PLXNA4: variants seen among roughly 807,000 people sequenced by gnomAD.
PLXNA4 encodes the protein plexin A4.
PLXNA4 carries 44 observed loss-of-function variants against 191.8 expected under a neutral mutation model. That is an observed-to-expected ratio of 0.23 (90% confidence interval 0.18 to 0.29). The LOEUF (loss-of-function observed/expected upper bound fraction) is 0.29, where lower values mean the gene tolerates loss of function less well. Among genes scored for constraint, PLXNA4 ranks in the 10% least tolerant of loss-of-function variants. PLXNA4 has a pLI of 1.00. For synonymous variants in PLXNA4, 1,082 were observed against 1,009.5 expected (o/e 1.07, Z -1.36); for missense variants, 1,800 against 2,488.8 (o/e 0.72, Z 5.89).
chr7:132,378,653 T>C (rs977963350), intron 3 of PLXNA4, among the ~76,000 whole-genome samples: 3 of 152,154 alleles, frequency 2.0e-5, no homozygotes, highest in Non-Finnish European at 4.4e-5. Flanking sequence ...CTGTGATCTC[T>C]CCTGCGCAAA....
chr7:132,452,573 A>G (rs895453138), intron 3 of PLXNA4, among the ~76,000 whole-genome samples: 1 of 152,170 alleles, frequency 6.6e-6, no homozygotes, highest in African/African-American at 2.4e-5. Flanking sequence ...ACTGCAAGAT[A>G]TGGTCTGAAA....
intron 3 of PLXNA4, among the ~76,000 whole-genome samples, chr7:132,420,420 G>A (rs1358037723): frequency 6.6e-6 from 1 of 152,054 alleles, no homozygotes; most frequent in Non-Finnish European, 1.5e-5. Context: ...TCTATGGCTG[G>A]GCTCATCCTC....
upstream of PLXNA4, chr7:132,577,322 C>T: frequency 6.6e-6 from 1 of 152,292 alleles, no homozygotes; most frequent in Non-Finnish European, 1.5e-5. Flanking sequence ...CATTGAAGCC[C>T]GGCCAAGCGC....
chr7:132,629,522 AT>A (rs995652518), intron 2 of PLXNA4, among the ~76,000 whole-genome samples: 1 of 152,140 alleles, frequency 6.6e-6, no homozygotes, highest in East Asian at 1.9e-4. Context: ...TGACCTGCAT[AT>A]TTTTTAACTC....
intron 3 of PLXNA4, among the ~76,000 whole-genome samples, chr7:132,453,548 G>GTT (rs35197607): frequency 4.1e-5 from 6 of 148,128 alleles, no homozygotes; most frequent in African/African-American, 1.5e-4. Context: ...CACAGTGAGG[G>GTT]TTTTTTTTTT....
chr7:132,203,368 C>T lies in PLXNA4; in HGVS notation c.2350G>A (p.Val784Met), dbSNP rs374819408. ...TCAATGTTGAAGTGCCCATTCCACA[C>T]GACTGTCAACTCCACGGGCAGGTTG... ...INNLPVELTVVWNGHFNIDNP... is the reference protein window; with the variant it reads ...INNLPVELTVMWNGHFNIDNP... The change falls in exon 11 of 32, where the codon GTG (valine) becomes ATG (methionine). Residue 784 changes from valine to methionine, a missense_variant. Coordinates refer to ENST00000321063, the MANE Select transcript of PLXNA4 (RefSeq NM_020911.2). 5.7e-5 allele frequency: 92 copies of T among 1,614,042 alleles called. No individual in the cohort carries two copies. Among genetic ancestry groups the T allele is most frequent in the African/African-American group, 1.2e-4 (9 of 74,926 alleles).
chr7:132,285,940 C>T (rs115167525), intron 4 of PLXNA4, among the ~76,000 whole-genome samples: 4 of 151,842 alleles, frequency 2.6e-5, no homozygotes, highest in Admixed American at 2.0e-4. Flanking sequence ...CCCCCACCCA[C>T]AAATGAGGAT....
intron 3 of PLXNA4, among the ~76,000 whole-genome samples, chr7:132,390,376 A>G (rs913335827): frequency 6.6e-6 from 1 of 151,968 alleles, no homozygotes; most frequent in Non-Finnish European, 1.5e-5. Context: ...ATGAGAACAC[A>G]TGGACACAGG....
At chr7:132,278,494 C>T (rs189145004) in intron 4 of PLXNA4, among the ~76,000 whole-genome samples, 114 of 152,288 alleles carry the variant, frequency 7.5e-4, no homozygotes, top group African/African-American at 1.8e-3. Context: ...GTCAACTAAG[C>T]GCCTACCACC....
At chr7:132,369,611 C>T (rs952848226) in intron 3 of PLXNA4, among the ~76,000 whole-genome samples, 1 of 152,086 alleles carries the variant, frequency 6.6e-6, no homozygotes, top group Non-Finnish European at 1.5e-5. Flanking sequence ...AGAAGGACAT[C>T]CCTCAGTAGC....
chr7:132,387,548 G>A (rs777654715), intron 3 of PLXNA4, among the ~76,000 whole-genome samples: 13 of 152,242 alleles, frequency 8.5e-5, no homozygotes, highest in Non-Finnish European at 1.8e-4. Context: ...CCCATCTGTC[G>A]CCAGGTAACT....
chr7:132,194,628 A>G (rs531572054), intron 13 of PLXNA4, among the ~76,000 whole-genome samples: 1 of 152,274 alleles, frequency 6.6e-6, no homozygotes, highest in East Asian at 1.9e-4. Context: ...TCTGCTCCCG[A>G]TGATTGGGTT....
chr7:132,517,988 T>A (rs1465866582), intron 1 of PLXNA4, among the ~76,000 whole-genome samples: 10 of 152,244 alleles, frequency 6.6e-5, no homozygotes, highest in Admixed American at 6.5e-4. Flanking sequence ...TATTTTTTCA[T>A]GTCTGTATTT....
Position 132,241,152 on chromosome 7 carries a change from A to G in PLXNA4, c.1518T>C (p.Pro506=). 1 of 1,612,256 alleles carries G rather than the reference A, an allele frequency of 6.2e-7. No homozygotes were observed. Among genetic ancestry groups the G allele is most frequent in the Non-Finnish European group, 8.5e-7 (1 of 1,178,726 alleles). ...TCTGATACTGACCACAGGACTCCAC[A>G]GGGACTCTGGTGAGCTAGGACAGCA... is the stretch of plus-strand genomic sequence containing the variant. ...IMSERQLTRV[P]VESCGQYQSC... The change falls in exon 5 of 32, where the codon CCT becomes CCC. Residue 506 remains proline, a synonymous_variant. Coordinates refer to ENST00000321063, the MANE Select transcript of PLXNA4 (RefSeq NM_020911.2).
chr7:132,385,535 C>T (rs946633721), intron 3 of PLXNA4, among the ~76,000 whole-genome samples: 6 of 152,182 alleles, frequency 3.9e-5, no homozygotes, highest in African/African-American at 9.7e-5. Flanking sequence ...TCCCTGGCCA[C>T]GGATGTTACA....
intron 3 of PLXNA4, among the ~76,000 whole-genome samples, chr7:132,320,891 C>T (rs1311358505): frequency 6.6e-6 from 1 of 152,164 alleles, no homozygotes; most frequent in African/African-American, 2.4e-5. Context: ...CTGGATGCAT[C>T]CTAAATTTTG....
chr7:132,503,068 G>A (rs192913033), intron 2 of PLXNA4, among the ~76,000 whole-genome samples: 1 of 152,250 alleles, frequency 6.6e-6, no homozygotes, highest in East Asian at 1.9e-4. Flanking sequence ...CAGTACTATG[G>A]CCGAGACTAT....
chr7:132,253,481 G>C (rs890422198), intron 4 of PLXNA4, among the ~76,000 whole-genome samples: 12 of 152,072 alleles, frequency 7.9e-5, no homozygotes, highest in African/African-American at 2.9e-4. Context: ...CTGACCTCAA[G>C]GGATCTGACT....
intron 3 of PLXNA4, among the ~76,000 whole-genome samples, chr7:132,450,601 G>C (rs1398129341): frequency 6.6e-6 from 1 of 152,188 alleles, no homozygotes; most frequent in Non-Finnish European, 1.5e-5. Context: ...GGTGGACTGG[G>C]AAGGCTGGAA....
Sources: gnomAD v4.1 joint callset for allele counts (sites outside exome capture counted in the v4.1 genomes callset) on GRCh38, gnomAD v4.1.1 for gene constraint, MANE v1.5 for transcripts, NCBI Gene and HGNC (gene_info 2026-07-23, HGNC 2026-07-21) for gene names.